The following CALN1 variants were observed in gnomAD, a reference collection of about 807,000 sequenced individuals.
The protein encoded by CALN1 is calneuron 1.
CALN1 carries 17 observed loss-of-function variants against 30.6 expected under a neutral mutation model. The ratio of observed to expected loss-of-function variants is 0.56; its 90% CI spans 0.38 to 0.83. CALN1 has a LOEUF of 0.83. CALN1 is among the 40% of genes least tolerant of loss of function. The pLI is 0.00. For synonymous variants in CALN1, 156 were observed against 131.4 expected (o/e 1.19, Z -1.28); for missense variants, 291 against 354.9 (o/e 0.82, Z 1.45).
At chr7:72,499,909 CTTTCT>C in the CALN1 span, among the ~76,000 whole-genome samples, 2 of 40,170 alleles carry the variant, frequency 5.0e-5, no homozygotes, top group East Asian at 6.1e-4. Flanking sequence ...TTCTTTCTTT[CTTTCT>C]ATCTTTCTCT....
At chr7:71,802,021 C>T (rs967025962) in intron 6 of CALN1, among the ~76,000 whole-genome samples, 9 of 151,996 alleles carry the variant, frequency 5.9e-5, no homozygotes, top group South Asian at 2.1e-4. Flanking sequence ...TGGCAAAACC[C>T]GCAATTACTT....
At chr7:72,376,936 A>G (rs909394224) in intron 2 of CALN1, among the ~76,000 whole-genome samples, 2 of 152,218 alleles carry the variant, frequency 1.3e-5, no homozygotes, top group Non-Finnish European at 2.9e-5. Flanking sequence ...TTATTTGTTG[A>G]AAAGACTGTT....
chr7:72,482,878 T>C, the CALN1 span, among the ~76,000 whole-genome samples: 1 of 152,162 alleles, frequency 6.6e-6, no homozygotes, highest in Non-Finnish European at 1.5e-5. Context: ...CTTAAACACT[T>C]CATTTATTGC....
chr7:72,278,737 C>G lies in CALN1; in HGVS notation c.193G>C (p.Ala65Pro), dbSNP rs775820211. 2.5e-6 allele frequency: 4 copies of G among 1,614,116 alleles called. No homozygotes were observed. In the Admixed American group the frequency reaches 6.7e-5, roughly 27 times the overall value. ...GCCAGCTGTTCGCTGTCACTGCCAG[C>G]AGAGAGCGATCGGTTGAGGTAATTC... ...KGNYLNRSLS[A>P]GSDSEQLANI... is the part of the protein sequence containing the mutation. Residue 65 changes from alanine (A) to proline (P), a missense_variant, in exon 3 of 7, where the codon GCT becomes CCT. Around this residue, in one of 2 missense-constraint regions of CALN1, gnomAD observed 122 missense variants for 103.2 expected, o/e 1.18. Coordinates refer to ENST00000395275, the MANE Select transcript of CALN1 (RefSeq NM_031468.4).
Position 72,403,283 on chromosome 7 carries a change from C to T in CALN1, c.87G>A (p.Pro29=), listed in dbSNP as rs549337610. 153 of 1,550,286 alleles carry T rather than the reference C, an allele frequency of 9.9e-5. No homozygotes were observed. In the East Asian group the frequency reaches 3.1e-3, roughly 32 times the overall value. The change falls in exon 2 of 7, where the codon CCG becomes CCA. Residue 29 remains proline, a synonymous_variant. Coordinates refer to ENST00000395275, the MANE Select transcript of CALN1 (RefSeq NM_031468.4). ...GGAAGTCGGGGGCCTGGCTCCTCGG[C>T]GGCTCCTCTCCCCCTCCGAGGGCTC... ...DGGALGGGEE[P]PRSQAPDFPT...
At chr7:71,881,496 C>CTGG (rs1792564075) in intron 5 of CALN1, among the ~76,000 whole-genome samples, 1 of 152,224 alleles carries the variant, frequency 6.6e-6, no homozygotes, top group Non-Finnish European at 1.5e-5. Flanking sequence ...TTCTCTCTAA[C>CTGG]TGGTCTCCAT....
intron 5 of CALN1, among the ~76,000 whole-genome samples, chr7:71,877,209 A>G (rs764125670): frequency 6.6e-6 from 1 of 152,214 alleles, no homozygotes; most frequent in African/African-American, 2.4e-5. Context: ...GCTAGAAGGA[A>G]ACCACTTAAA....
At chr7:72,451,207 A>AG (rs1452165565), upstream of CALN1, among the ~76,000 whole-genome samples, 13 of 123,812 alleles carry the variant, frequency 1.0e-4, no homozygotes, top group East Asian at 1.0e-3. Flanking sequence ...AAGAAGAAGA[A>AG]GAAGGAGGAG....
chr7:72,248,013 A>G lies in CALN1; in HGVS notation c.244+30673T>C, dbSNP rs369523166. On this transcript the variant is annotated intron_variant, in intron 3 of 6. Coordinates refer to ENST00000395275, the MANE Select transcript of CALN1 (RefSeq NM_031468.4). Reference sequence around the variant, plus strand: ...CTCTGTCTTTAAACAACAACAAAGAAAAACACAAATGTATCATCTTATTGT... The same window carrying G: ...CTCTGTCTTTAAACAACAACAAAGAGAAACACAAATGTATCATCTTATTGT... Among the ~76,000 whole-genome samples, 17 of 152,304 alleles carry G rather than the reference A, an allele frequency of 1.1e-4. No homozygotes were observed. In the East Asian group the frequency reaches 3.1e-3, roughly 28 times the overall value.
intron 2 of CALN1, among the ~76,000 whole-genome samples, chr7:72,393,716 G>A (rs969631418): frequency 2.6e-5 from 4 of 150,966 alleles, no homozygotes; most frequent in Admixed American, 6.6e-5. Context: ...CCTAGGAGTC[G>A]GCCATTTAGC....
At chr7:72,014,045 C>T (rs980319699) in intron 5 of CALN1, among the ~76,000 whole-genome samples, 3 of 142,894 alleles carry the variant, frequency 2.1e-5, no homozygotes, top group Non-Finnish European at 4.6e-5. Flanking sequence ...AAATACATTT[C>T]TTTCTATTTA....
At chr7:72,197,247 C>T (rs899504412) in intron 3 of CALN1, among the ~76,000 whole-genome samples, 9 of 129,082 alleles carry the variant, frequency 7.0e-5, no homozygotes, top group Admixed American at 6.6e-4. Context: ...TGCAGTGGCA[C>T]GATCTCAGCT....
rs1250175977 is a variant in CALN1 at position 71,862,300 on chromosome 7, A to G, written c.502-51808T>C. ...TACGATTTGGCTGTGTCCCTACCCA[A>G]ATCTCATCTTGAATTGTAGCTCCCA... On this transcript the variant is annotated intron_variant, in intron 5 of 6. Coordinates refer to ENST00000395275, the MANE Select transcript of CALN1 (RefSeq NM_031468.4). Among the ~76,000 whole-genome samples, 3 of 152,174 alleles carry G rather than the reference A, an allele frequency of 2.0e-5. No individual in the cohort carries two copies. In the East Asian group the frequency reaches 5.8e-4, roughly 29 times the overall value.
At chr7:71,847,140 T>C (rs953195037) in intron 5 of CALN1, among the ~76,000 whole-genome samples, 1 of 151,768 alleles carries the variant, frequency 6.6e-6, no homozygotes, top group Non-Finnish European at 1.5e-5. Context: ...TGTTTCAGTC[T>C]CTTCTCTTGG....
chr7:72,419,534 C>T (rs1456371115), intron 1 of CALN1, among the ~76,000 whole-genome samples: 1 of 152,086 alleles, frequency 6.6e-6, no homozygotes, highest in African/African-American at 2.4e-5. Context: ...GTCCCAGAAA[C>T]CCCACTTCTC....
At chr7:72,467,640 GC>G in the CALN1 span, among the ~76,000 whole-genome samples, 2 of 152,224 alleles carry the variant, frequency 1.3e-5, no homozygotes, top group South Asian at 4.1e-4. Context: ...GCCGTCCATA[GC>G]CCCGACCCAA....
intron 3 of CALN1, among the ~76,000 whole-genome samples, chr7:72,131,563 C>CT (rs902696268): frequency 6.6e-6 from 1 of 152,174 alleles, no homozygotes; most frequent in African/African-American, 2.4e-5. Flanking sequence ...TCTCTAACAG[C>CT]TTTACCTCCA....
chr7:72,332,487 G>A (rs565857477), intron 2 of CALN1, among the ~76,000 whole-genome samples: 155 of 151,774 alleles, frequency 1.0e-3, no homozygotes, highest in Admixed American at 2.0e-3. Flanking sequence ...CCTCAATTTG[G>A]TCCAGCTACT....
intron 2 of CALN1, among the ~76,000 whole-genome samples, chr7:72,359,518 A>G (rs1256384247): frequency 2.6e-5 from 4 of 152,214 alleles, no homozygotes; most frequent in Non-Finnish European, 5.9e-5. Flanking sequence ...TCACATGTAC[A>G]TATAGTGAGG....
Sources: allele counts gnomAD v4.1 joint callset (sites outside exome capture counted in the v4.1 genomes callset), GRCh38; gene constraint gnomAD v4.1.1; regional missense constraint gnomAD v4.1.1; transcripts MANE v1.5; gene names NCBI Gene and HGNC (gene_info 2026-07-23, HGNC 2026-07-21).